SLC7A1: variants seen among roughly 807,000 people sequenced by gnomAD.
SLC7A1 encodes the protein solute carrier family 7 member 1, also known as high affinity cationic amino acid transporter 1.
In SLC7A1, 10 loss-of-function variants were observed where a neutral mutation model predicts 53.9. The ratio of observed to expected loss-of-function variants is 0.19; its 90% confidence interval spans 0.11 to 0.31. SLC7A1 has a LOEUF of 0.31. Ranked by LOEUF, SLC7A1 falls within the 10% of genes least tolerant of loss-of-function variation. The pLI is 1.00. For synonymous variants in SLC7A1, 342 were observed against 338.7 expected (o/e 1.01, Z -0.11); for missense variants, 525 against 827.2 (o/e 0.63, Z 4.48).
chr13:29,584,964 A>G (rs35992531), intron 1 of SLC7A1, among the ~76,000 whole-genome samples: 3,507 of 152,330 alleles, frequency 0.023, 129 homozygotes, highest in African/African-American at 0.079. Flanking sequence ...ATAAACTCAA[A>G]GAAAATCAGA....
chr13:29,579,229 A>T (rs1214064005), intron 1 of SLC7A1, among the ~76,000 whole-genome samples: 2 of 152,188 alleles, frequency 1.3e-5, no homozygotes, highest in African/African-American at 4.8e-5. Flanking sequence ...ATAGTATGGA[A>T]CTGAAACTTC....
intron 2 of SLC7A1, among the ~76,000 whole-genome samples, chr13:29,548,427 C>T (rs1870018334): frequency 1.3e-5 from 2 of 152,230 alleles, no homozygotes; most frequent in East Asian, 1.9e-4. Context: ...TGTCAGTAAC[C>T]GGGCGAGGCT....
Position 29,517,319 on chromosome 13 carries a change from G to C in SLC7A1, c.1511-9C>G, listed in dbSNP as rs187002131. 6.8e-4 allele frequency: 1,090 copies of C among 1,601,320 alleles called. 13 individuals carry two copies. The African/African-American group carries it at 0.013, about 20-fold the overall frequency. On this transcript the variant is annotated splice_polypyrimidine_tract_variant and intron_variant, in intron 10 of 12. Transcript: ENST00000380752. The stretch of plus-strand genomic sequence containing the variant: ...GGTGATGATGAGAACAGCTAAGGGG[G>C]AAGGAAAAGACAGCAAGCTGCAACT...
chr13:29,531,249 T>C (rs1458913786), intron 4 of SLC7A1, among the ~76,000 whole-genome samples: 1 of 152,344 alleles, frequency 6.6e-6, no homozygotes, highest in East Asian at 1.9e-4. Flanking sequence ...ACACACATGG[T>C]TCTTCGTTGG....
At chr13:29,586,348 T>C (rs1871883707) in intron 1 of SLC7A1, among the ~76,000 whole-genome samples, 2 of 152,256 alleles carry the variant, frequency 1.3e-5, no homozygotes, top group African/African-American at 4.8e-5. Context: ...AGTCATTCAA[T>C]AAATATTTCT....
rs1159912124 is a variant in SLC7A1 at position 29,554,299 on chromosome 13, GTCT to G, written c.-114-442_-114-440del. On this transcript the variant is annotated intron_variant, in intron 1 of 12. Transcript: ENST00000380752. ...GCAGGGGCAGAAAACCTTAGCTGGT[GTCT>G]TCTGAAAACACTTGGACTCCAATTC... Among the ~76,000 whole-genome samples, 3 of 152,210 alleles carry G rather than the reference GTCT, an allele frequency of 2.0e-5. No individual in the cohort carries two copies. The East Asian group carries it at 5.8e-4, about 29-fold the overall frequency.
At chr13:29,550,050 G>T (rs180858338) in intron 2 of SLC7A1, among the ~76,000 whole-genome samples, 2 of 152,300 alleles carry the variant, frequency 1.3e-5, no homozygotes, top group Middle Eastern at 6.8e-3. Flanking sequence ...AGTCTCCACT[G>T]CCACAGAAAA....
intron 1 of SLC7A1, among the ~76,000 whole-genome samples, chr13:29,576,470 T>C (rs1462075778): frequency 6.6e-6 from 1 of 152,132 alleles, no homozygotes; most frequent in African/African-American, 2.4e-5. Context: ...TCACTGTTTC[T>C]CAGGGTCATA....
chr13:29,594,248 G>A (rs1479734698), intron 1 of SLC7A1, among the ~76,000 whole-genome samples: 2 of 152,232 alleles, frequency 1.3e-5, no homozygotes, highest in African/African-American at 4.8e-5. Flanking sequence ...TCTACTAGTC[G>A]AATGTAAGTA....
intron 6 of SLC7A1, among the ~76,000 whole-genome samples, chr13:29,523,714 C>T (rs1307955268): frequency 2.6e-5 from 4 of 152,200 alleles, no homozygotes; most frequent in African/African-American, 9.6e-5. Flanking sequence ...ACAGTGTTCT[C>T]GGCCTGAATG....
At chr13:29,533,106 A>T in intron 3 of SLC7A1, 124 bp from the exon 4 acceptor site, 1 of 955,940 alleles carries the variant, frequency 1.0e-6, no homozygotes, top group Non-Finnish European at 1.5e-6. Flanking sequence ...ATCTGGCAGC[A>T]GCAGCCAGAC....
At chr13:29,528,115 G>A (rs1868983861) in intron 5 of SLC7A1, among the ~76,000 whole-genome samples, 1 of 152,230 alleles carries the variant, frequency 6.6e-6, no homozygotes, top group Non-Finnish European at 1.5e-5. Flanking sequence ...GCCCTGGGGC[G>A]CCTGGCCTGG....
chr13:29,544,115 G>T (rs1390062320), intron 2 of SLC7A1, among the ~76,000 whole-genome samples: 1 of 152,152 alleles, frequency 6.6e-6, no homozygotes, highest in Non-Finnish European at 1.5e-5. Context: ...TAACCCACAG[G>T]CCGAAAGTAG....
rs892288247 is a variant in SLC7A1, at chr13:29,513,524, C to T, written c.*956G>A. On this transcript the variant is annotated 3_prime_UTR_variant, in exon 13 of 13. Transcript: ENST00000380752. ...CTGAGCTGCCACCAGCCTTGAGAAC[C>T]TTACAGGAGCCACCAGACTGGCTCC... The T allele has an allele frequency of 2.0e-5, 3 of 152,770 alleles. No homozygotes were observed. Among genetic ancestry groups the T allele is most frequent in the Non-Finnish European group, 4.4e-5 (3 of 68,072 alleles). The allele number at this position is 152,770 out of a possible 1,614,324, so 9.5% of individuals were successfully genotyped here.
At chr13:29,542,149 C>CATGTA (rs1869691715) in intron 2 of SLC7A1, among the ~76,000 whole-genome samples, 1 of 152,154 alleles carries the variant, frequency 6.6e-6, no homozygotes, top group Non-Finnish European at 1.5e-5. Flanking sequence ...CTGTGCAAAG[C>CATGTA]GTCACTAAAG....
chr13:29,570,986 C>T lies in SLC7A1; in HGVS notation c.-114-17126G>A, dbSNP rs116029616. Among the ~76,000 whole-genome samples, 1,052 of 152,138 alleles carry T rather than the reference C, an allele frequency of 6.9e-3. 19 individuals are homozygous for T. The highest frequency in any genetic ancestry group is 0.013 in the African/African-American group (523 of 41,492). On this transcript the variant is annotated intron_variant, in intron 1 of 12. Transcript: ENST00000380752. Reference sequence around the variant, plus strand: ...TGCAGAGCACCTGGTGCATAGTATGCGCTATATGTTAACTATATTACTATT... The same window carrying T: ...TGCAGAGCACCTGGTGCATAGTATGTGCTATATGTTAACTATATTACTATT...
intron 1 of SLC7A1, among the ~76,000 whole-genome samples, chr13:29,554,229 G>A (rs148610058): frequency 9.8e-5 from 15 of 152,350 alleles, no homozygotes; most frequent in African/African-American, 2.6e-4. Context: ...GCGCCATGAA[G>A]GGGAACGAGT....
chr13:29,584,900 C>G (rs1871816655), intron 1 of SLC7A1, among the ~76,000 whole-genome samples: 1 of 152,102 alleles, frequency 6.6e-6, no homozygotes, highest in African/African-American at 2.4e-5. Flanking sequence ...ACTCTTCTTC[C>G]CCAAAATCCT....
At position 29,566,705 on chromosome 13, in the gene SLC7A1, T is replaced by C. The variant is rs527323540; in HGVS notation, c.-114-12845A>G. On this transcript the variant is annotated intron_variant, in intron 1 of 12. Transcript: ENST00000380752. ...GGCGATGGCTGCATAATCCTGTGAA[T>C]TTGCTAAAAATCACTGAATTTATAC... Among the ~76,000 whole-genome samples the C allele has an allele frequency of 2.0e-5, 3 of 152,294 alleles. No individual in the cohort carries two copies. In the South Asian group the frequency reaches 6.2e-4, roughly 32 times the overall value.
Sources: allele counts gnomAD v4.1 joint callset (sites outside exome capture counted in the v4.1 genomes callset), GRCh38; gene constraint gnomAD v4.1.1; transcripts MANE v1.5; gene names NCBI Gene and HGNC (gene_info 2026-07-23, HGNC 2026-07-21).